Variants in FMN1 observed in about 807,000 individuals in gnomAD.
The protein encoded by FMN1 is formin-1.
In FMN1, 110 loss-of-function variants were observed where a neutral mutation model predicts 132.4. That is an observed-to-expected ratio of 0.83 (90% CI 0.71 to 0.97). The LOEUF is 0.97. Among genes scored for constraint, FMN1 ranks in the 50% least tolerant of loss-of-function variants. The probability of loss-of-function intolerance (pLI) is 0.00; values close to 1 mark genes in which losing one functional copy is unlikely to be tolerated. For synonymous variants in FMN1, 722 were observed against 651.7 expected, an observed-to-expected ratio of 1.11 and a Z score of -1.64; for missense variants, 1,792 against 1,705.3, an observed-to-expected ratio of 1.05 and a Z score of -0.90.
At chr15:32,956,380 T>A (rs2061769530) in intron 9 of FMN1, among the ~76,000 whole-genome samples, 1 of 150,076 alleles carries the variant, frequency 6.7e-6, no homozygotes, top group Non-Finnish European at 1.5e-5. Flanking sequence ...TTTAAAAAAA[T>A]AAGCAAATAA....
intron 6 of FMN1, among the ~76,000 whole-genome samples, chr15:33,015,251 A>G (rs2034973177): frequency 6.6e-6 from 1 of 152,200 alleles, no homozygotes; most frequent in South Asian, 2.1e-4. Context: ...GCTTTATCCT[A>G]TTACCAGAAT....
intron 3 of FMN1, among the ~76,000 whole-genome samples, chr15:33,176,682 C>A (rs532822454): frequency 1.3e-5 from 2 of 152,212 alleles, no homozygotes; most frequent in Non-Finnish European, 2.9e-5. Context: ...AAAATTCACT[C>A]AATTCACTCT....
At chr15:32,940,035 A>G (rs1455038145) in intron 9 of FMN1, among the ~76,000 whole-genome samples, 1 of 152,198 alleles carries the variant, frequency 6.6e-6, no homozygotes, top group Non-Finnish European at 1.5e-5. Flanking sequence ...ATTCTGTGCT[A>G]TTTTGACAAT....
At chr15:33,048,644 A>AAAACAAAAAAAAACAAAAAC (rs1555388956) in intron 6 of FMN1, among the ~76,000 whole-genome samples, 12 of 86,950 alleles carry the variant, frequency 1.4e-4, no homozygotes, top group African/African-American at 1.6e-4. Context: ...AAAAAAAAAA[A>AAAACAAAAAAAAACAAAAAC]AAAAACCAAC....
chr15:32,905,525 A>G (rs1056502810), intron 12 of FMN1, among the ~76,000 whole-genome samples: 6 of 152,198 alleles, frequency 3.9e-5, no homozygotes, highest in Admixed American at 1.3e-4. Flanking sequence ...ACCCGGCAGC[A>G]TAAGAGTCAA....
chr15:32,925,129 T>C (rs1202216599), intron 10 of FMN1, among the ~76,000 whole-genome samples: 1 of 151,976 alleles, frequency 6.6e-6, no homozygotes, highest in Non-Finnish European at 1.5e-5. Flanking sequence ...GATAACCAAA[T>C]AGAAATAACA....
intron 9 of FMN1, among the ~76,000 whole-genome samples, chr15:32,945,927 C>A (rs904249569): frequency 2.6e-5 from 4 of 152,138 alleles, no homozygotes; most frequent in Non-Finnish European, 5.9e-5. Context: ...CTTCATTTGC[C>A]GCCATTGCCA....
intron 2 of FMN1, among the ~76,000 whole-genome samples, chr15:33,181,853 T>C (rs137865722): frequency 1.3e-5 from 2 of 151,794 alleles, no homozygotes; most frequent in Non-Finnish European, 2.9e-5. Flanking sequence ...GGATTACAGA[T>C]GCCTGCCACC....
At chr15:32,971,829 C>T (rs2031819116) in intron 7 of FMN1, among the ~76,000 whole-genome samples, 1 of 152,172 alleles carries the variant, frequency 6.6e-6, no homozygotes, top group African/African-American at 2.4e-5. Flanking sequence ...ATTATAAACT[C>T]CCCAAGATGA....
At chr15:32,808,192 C>T (rs1790689154) in intron 17 of FMN1, among the ~76,000 whole-genome samples, 1 of 152,226 alleles carries the variant, frequency 6.6e-6, no homozygotes, top group African/African-American at 2.4e-5. Context: ...CATAGTTCCA[C>T]AGCCTACCAA....
chr15:32,955,877 G>T (rs62000624), intron 9 of FMN1, among the ~76,000 whole-genome samples: 2,756 of 152,182 alleles, frequency 0.018, 48 homozygotes, highest in South Asian at 0.033. Flanking sequence ...TCCAGAATCA[G>T]TCCCAAAGAC....
rs345804 is a variant in FMN1 at position 33,073,599 on chromosome 15, T to A, written c.2044-8525A>T. Among the ~76,000 whole-genome samples the A allele has an allele frequency of 2.7e-4, 41 of 152,174 alleles. No homozygotes were observed. The South Asian group carries it at 7.5e-3, about 28-fold the overall frequency. On this transcript the variant is annotated intron_variant, in intron 5 of 20. Coordinates refer to ENST00000616417, the MANE Select transcript of FMN1 (RefSeq NM_001277313.2). ...GAGAGCTGAGGAAATTATAACATCA[T>A]AAGGAGTCAAAAAAATGTCTGTAAA...
At position 33,191,239 on chromosome 15, in the gene FMN1, A is replaced by G. The variant is rs536534378; in HGVS notation, c.-197+2670T>C. 1.9e-3 allele frequency among the ~76,000 whole-genome samples: 296 copies of G among 152,338 alleles called. 1 individual carries two copies. Among genetic ancestry groups the G allele is most frequent in the African/African-American group, 6.8e-3 (284 of 41,584 alleles). ...AATAGCCTGTCACGTGGAAGACCACAGTAAAAAAGCGTTTCATTTGAAAGG... is the reference window on the plus strand; with the variant it reads ...AATAGCCTGTCACGTGGAAGACCACGGTAAAAAAGCGTTTCATTTGAAAGG... On this transcript the variant is annotated intron_variant, in intron 2 of 20. Transcript: ENST00000616417.
chr15:32,972,828 A>G (rs573367124), intron 7 of FMN1, among the ~76,000 whole-genome samples: 1 of 152,306 alleles, frequency 6.6e-6, no homozygotes, highest in South Asian at 2.1e-4. Flanking sequence ...TTAAATATTT[A>G]ACCAGCTGCC....
rs555359479 is a variant in FMN1 at position 33,117,414 on chromosome 15, TGAGA to T, written c.1868-28444_1868-28441del. On this transcript the variant is annotated intron_variant, in intron 4 of 20. Coordinates refer to ENST00000616417, the MANE Select transcript of FMN1 (RefSeq NM_001277313.2). ...GGCATTCTGAGAAATACACAGGGGC[TGAGA>T]GATTGACAAGGTAGCATTCATTTCT... Among the ~76,000 whole-genome samples the T allele has an allele frequency of 2.6e-5, 4 of 152,348 alleles. No individual in the cohort carries two copies. In the East Asian group the frequency reaches 7.7e-4, roughly 29 times the overall value.
chr15:32,813,781 G>C (rs1470737601), intron 17 of FMN1, among the ~76,000 whole-genome samples: 1 of 152,190 alleles, frequency 6.6e-6, no homozygotes, highest in East Asian at 1.9e-4. Flanking sequence ...TACCCAAGTA[G>C]ATGAAGCGAC....
chr15:33,095,424 C>G (rs1449051169), intron 4 of FMN1, among the ~76,000 whole-genome samples: 1 of 152,094 alleles, frequency 6.6e-6, no homozygotes, highest in Non-Finnish European at 1.5e-5. Context: ...GAGATGGAGT[C>G]TCACTGTGTC....
intron 19 of FMN1, among the ~76,000 whole-genome samples, chr15:32,780,375 C>T (rs941681969): frequency 6.6e-6 from 1 of 152,160 alleles, no homozygotes; most frequent in African/African-American, 2.4e-5. Flanking sequence ...CTCTGGTCGT[C>T]CTCACTGCTA....
At chr15:32,833,855 T>TGGGCATATTCATTTAAATATGA (rs2058562926) in intron 17 of FMN1, among the ~76,000 whole-genome samples, 1 of 152,206 alleles carries the variant, frequency 6.6e-6, no homozygotes, top group Non-Finnish European at 1.5e-5. Flanking sequence ...CAAAGGAATG[T>TGGGCATATTCATTTAAATATGA]GGGCATATTC....
Sources: allele counts gnomAD v4.1 joint callset (sites outside exome capture counted in the v4.1 genomes callset), GRCh38; gene constraint gnomAD v4.1.1; transcripts MANE v1.5; gene names NCBI Gene and HGNC (gene_info 2026-07-23, HGNC 2026-07-21).